ELL: variants seen among roughly 807,000 people sequenced by gnomAD.
The protein encoded by ELL is RNA polymerase II elongation factor ELL.
In ELL, 18 loss-of-function variants were observed where a neutral mutation model predicts 64.0. That is an observed-to-expected ratio of 0.28 (90% CI 0.19 to 0.42). The LOEUF (loss-of-function observed/expected upper bound fraction) is 0.42. ELL is among the 10% of genes least tolerant of loss of function. ELL has a pLI of 1.00. For synonymous variants in ELL, 399 were observed against 376.2 expected, an observed-to-expected ratio of 1.06 and a Z score of -0.70; for missense variants, 797 against 870.4, an observed-to-expected ratio of 0.92 and a Z score of 1.06.
intron 2 of ELL, among the ~76,000 whole-genome samples, chr19:18,469,187 G>C (rs1309147533): frequency 3.3e-5 from 5 of 152,184 alleles, no homozygotes; most frequent in African/African-American, 1.2e-4. Context: ...AGAGGGCATG[G>C]CGGTTGGCGT....
chr19:18,485,984 T>C (rs1975405847), intron 1 of ELL, among the ~76,000 whole-genome samples: 1 of 144,416 alleles, frequency 6.9e-6, no homozygotes, highest in Non-Finnish European at 1.5e-5. Flanking sequence ...AGACTCTGTC[T>C]CAAAAAAAAA....
At position 18,521,884 on chromosome 19, in the gene ELL, C is replaced by G. The variant is rs773993151; in HGVS notation, c.135+37G>C. 10 of 1,547,148 alleles carry G rather than the reference C, an allele frequency of 6.5e-6. No homozygotes were observed. The South Asian group carries it at 1.2e-4, about 18-fold the overall frequency. On this transcript the variant is annotated intron_variant, in intron 1 of 11. Transcript: ENST00000262809. The stretch of plus-strand genomic sequence containing the variant: ...AGCGCGAGGCCGGCCCGCGTCCGGA[C>G]GTTCCCCACTGGCGCGCCGGGCGCC...
intron 4 of ELL, 114 bp from the exon 5 acceptor site, chr19:18,461,966 A>G (rs1024195349): frequency 2.3e-6 from 3 of 1,305,036 alleles, no homozygotes; most frequent in African/African-American, 3.0e-5. Context: ...GGTGGGAGGC[A>G]CCACACCAAC....
intron 1 of ELL, among the ~76,000 whole-genome samples, chr19:18,509,407 C>T (rs1975949371): frequency 6.6e-6 from 1 of 152,094 alleles, no homozygotes. Flanking sequence ...CCACCCCAAG[C>T]CCTTTGGGTT....
intron 1 of ELL, among the ~76,000 whole-genome samples, chr19:18,514,506 T>TC (rs1976090292): frequency 1.8e-5 from 2 of 108,576 alleles, no homozygotes; most frequent in Admixed American, 2.5e-4. Context: ...AGAGTGAGAC[T>TC]CCATCTCAAA....
chr19:18,476,215 G>C (rs1022104517), intron 1 of ELL, among the ~76,000 whole-genome samples: 2 of 152,320 alleles, frequency 1.3e-5, no homozygotes, highest in East Asian at 3.9e-4. Context: ...GGTGGGCCCC[G>C]TCTCTCGCGG....
At chr19:18,466,343 T>C (rs1381751770) in intron 2 of ELL, among the ~76,000 whole-genome samples, 2 of 152,228 alleles carry the variant, frequency 1.3e-5, no homozygotes, top group Non-Finnish European at 2.9e-5. Flanking sequence ...CAAGAGGGGC[T>C]TGGGCAGCCA....
intron 4 of ELL, among the ~76,000 whole-genome samples, chr19:18,463,997 A>C (rs1282467294): frequency 2.0e-5 from 3 of 150,524 alleles, no homozygotes; most frequent in Admixed American, 6.6e-5. Context: ...AAAAAAAAAA[A>C]CCCTCACTGT....
At position 18,442,920 on chromosome 19, in the gene ELL, G is replaced by A. The variant is rs1974324958; in HGVS notation, c.*1832C>T. On this transcript the variant is annotated 3_prime_UTR_variant, in exon 12 of 12. Transcript: ENST00000262809. The stretch of plus-strand genomic sequence containing the variant: ...AAGTTAGACCATATTTAATCAGCTA[G>A]AACTTTGTCCACCAACCCCCAAAAC... 4.3e-6 allele frequency: 1 copy of A among 230,632 alleles called. No individual in the cohort carries two copies. 14.3% of individuals were successfully genotyped at this position (230,632 alleles called of 1,614,324 possible).
chr19:18,455,065 G>A (rs137885329), intron 6 of ELL, among the ~76,000 whole-genome samples: 1,830 of 145,732 alleles, frequency 0.013, 36 homozygotes, highest in African/African-American at 0.042. Context: ...TGCTTGAACC[G>A]GGGAGGCAGA....
At chr19:18,509,518 G>A (rs1031247900) in intron 1 of ELL, among the ~76,000 whole-genome samples, 1 of 151,624 alleles carries the variant, frequency 6.6e-6, no homozygotes, top group African/African-American at 2.4e-5. Flanking sequence ...AGCCTACCCT[G>A]GATAGAGGGG....
intron 2 of ELL, among the ~76,000 whole-genome samples, chr19:18,469,808 G>A (rs767123875): frequency 6.6e-6 from 1 of 152,176 alleles, no homozygotes; most frequent in Non-Finnish European, 1.5e-5. Flanking sequence ...GCCAGAGTCC[G>A]TTCATCTCTT....
At position 18,465,627 on chromosome 19, in the gene ELL, G is replaced by T. The variant is rs755227177; in HGVS notation, c.306-52C>A. 3.3e-6 allele frequency: 5 copies of T among 1,511,834 alleles called. No individual in the cohort carries two copies. The East Asian group carries it at 7.3e-5, about 22-fold the overall frequency. The allele number at this position is 1,511,834 out of a possible 1,614,324, so 93.7% of individuals were successfully genotyped here. On this transcript the variant is annotated intron_variant, in intron 3 of 11. Coordinates refer to ENST00000262809, the MANE Select transcript of ELL (RefSeq NM_006532.4). ...TCAGCAGCTGGGACAATGCAGGGAG[G>T]ATCCGTTGAGGGCCCAAGCCCCCAG...
Position 18,444,554 on chromosome 19 carries a change from A to G in ELL, c.*198T>C, listed in dbSNP as rs1974367960. Reference sequence around the variant, plus strand: ...CCTGGGGAGCCCATCATAAGCAGGGACTGCTCAGGAAGCGCAGGGAGGGCC... The same window carrying G: ...CCTGGGGAGCCCATCATAAGCAGGGGCTGCTCAGGAAGCGCAGGGAGGGCC... On this transcript the variant is annotated 3_prime_UTR_variant, in exon 12 of 12. Coordinates refer to ENST00000262809, the MANE Select transcript of ELL (RefSeq NM_006532.4). 1 of 543,328 alleles carries G rather than the reference A, an allele frequency of 1.8e-6. No homozygotes were observed. Among genetic ancestry groups the G allele is most frequent in the Non-Finnish European group, 3.2e-6 (1 of 309,500 alleles). 33.7% of individuals were successfully genotyped at this position (543,328 alleles called of 1,614,324 possible). A position where few individuals can be genotyped will look rare whatever the true frequency, so the allele number is the denominator to read the frequency against.
intron 1 of ELL, among the ~76,000 whole-genome samples, chr19:18,520,073 A>G (rs1176280925): frequency 6.6e-6 from 1 of 152,194 alleles, no homozygotes; most frequent in African/African-American, 2.4e-5. Flanking sequence ...TCCAGCTTAG[A>G]GAGGGGATGT....
intron 1 of ELL, among the ~76,000 whole-genome samples, chr19:18,497,461 T>C (rs1194578330): frequency 1.3e-5 from 2 of 152,106 alleles, no homozygotes; most frequent in Non-Finnish European, 2.9e-5. Context: ...ATTATACATT[T>C]GTCTAAACCC....
chr19:18,471,343 C>G (rs1320707176), intron 2 of ELL: 1 of 445,588 alleles, frequency 2.2e-6, no homozygotes, highest in East Asian at 7.3e-5. Flanking sequence ...CCACTGCACT[C>G]CAGCCTCGGC....
intron 4 of ELL, among the ~76,000 whole-genome samples, chr19:18,463,896 G>A (rs1273577794): frequency 7.3e-5 from 11 of 150,718 alleles, no homozygotes; most frequent in Non-Finnish European, 1.3e-4. Context: ...TGAGGCAGGA[G>A]AATGGCGTGA....
At chr19:18,473,221 C>G (rs1367022914) in intron 1 of ELL, 1 of 589,044 alleles carries the variant, frequency 1.7e-6, no homozygotes, top group African/African-American at 1.8e-5. Context: ...TGTGAATCCA[C>G]CGGGAGAGAA....
Sources: gnomAD v4.1 joint callset for allele counts (sites outside exome capture counted in the v4.1 genomes callset) on GRCh38, gnomAD v4.1.1 for gene constraint, MANE v1.5 for transcripts, NCBI Gene and HGNC (gene_info 2026-07-23, HGNC 2026-07-21) for gene names.